CDH13: variants seen among roughly 807,000 people sequenced by gnomAD.
CDH13 encodes the protein cadherin 13, also known as cadherin-13.
In CDH13, 24 loss-of-function variants were observed where a neutral mutation model predicts 63.8. That is an observed-to-expected ratio of 0.38 (90% CI 0.27 to 0.53). CDH13 has a LOEUF of 0.53. CDH13 is among the 20% of genes least tolerant of loss of function. The pLI is 0.85. For synonymous variants in CDH13, 503 were observed against 355.3 expected, an observed-to-expected ratio of 1.42 and a Z score of -4.67; for missense variants, 1,049 against 903.1, an observed-to-expected ratio of 1.16 and a Z score of -2.07.
chr16:83,166,339 G>A (rs542998593), intron 4 of CDH13, among the ~76,000 whole-genome samples: 1 of 152,228 alleles, frequency 6.6e-6, no homozygotes, highest in Admixed American at 6.5e-5. Flanking sequence ...AGGGGCTTAA[G>A]CAGAAATGGG....
At chr16:83,027,491 T>A (rs1461240207) in intron 2 of CDH13, among the ~76,000 whole-genome samples, 1 of 151,600 alleles carries the variant, frequency 6.6e-6, no homozygotes, top group African/African-American at 2.4e-5. Context: ...GACAGTAGAG[T>A]AGGGAGATGC....
chr16:83,610,772 A>G (rs866013359), intron 8 of CDH13, among the ~76,000 whole-genome samples: 8 of 152,320 alleles, frequency 5.3e-5, no homozygotes, highest in Middle Eastern at 3.4e-3. Flanking sequence ...TAGTGGAATA[A>G]GTATTCTTGA....
At chr16:83,031,369 TA>T (rs1916319370) in intron 2 of CDH13, among the ~76,000 whole-genome samples, 1 of 71,634 alleles carries the variant, frequency 1.4e-5, no homozygotes, top group Non-Finnish European at 2.7e-5. Context: ...CATGTACATG[TA>T]TATGTATACA....
chr16:83,585,410 G>C (rs1944773479), intron 7 of CDH13, among the ~76,000 whole-genome samples: 1 of 152,136 alleles, frequency 6.6e-6, no homozygotes, highest in African/African-American at 2.4e-5. Context: ...AGTGGGTGTG[G>C]GAGAGGAGGC....
chr16:83,170,847 T>C (rs191785402), intron 4 of CDH13, among the ~76,000 whole-genome samples: 113 of 152,166 alleles, frequency 7.4e-4, no homozygotes, highest in African/African-American at 2.4e-3. Flanking sequence ...TGAGTGACCC[T>C]TCTAACTAGT....
chr16:83,334,404 C>G (rs1030570393), intron 5 of CDH13, among the ~76,000 whole-genome samples: 9 of 149,904 alleles, frequency 6.0e-5, no homozygotes, highest in African/African-American at 2.2e-4. Flanking sequence ...CAGAATCTCC[C>G]TCTGTCACCT....
At chr16:82,638,599 C>G (rs1165843268) in intron 1 of CDH13, among the ~76,000 whole-genome samples, 2 of 152,070 alleles carry the variant, frequency 1.3e-5, no homozygotes, top group Non-Finnish European at 2.9e-5. Flanking sequence ...CAGGATGTGA[C>G]TCACTTAAGG....
intron 7 of CDH13, among the ~76,000 whole-genome samples, chr16:83,530,554 C>T (rs1312448064): frequency 6.6e-6 from 1 of 152,206 alleles, no homozygotes; most frequent in Non-Finnish European, 1.5e-5. Context: ...TTAATGGTCT[C>T]TGTGAGTCTA....
At chr16:83,253,542 G>A (rs888932265) in intron 5 of CDH13, among the ~76,000 whole-genome samples, 1 of 152,208 alleles carries the variant, frequency 6.6e-6, no homozygotes, top group Non-Finnish European at 1.5e-5. Context: ...AAAGCTGGCT[G>A]AGCTGAGGGA....
In CDH13 at chr16:82,701,520, C is replaced by T. The variant is rs564266734; in HGVS notation, c.45+74383C>T. ...TTTAGTAGATTGCACAACTGGCAAA[C>T]CTGGAGTTGATTTAGCTTTCATGAA... On this transcript the variant is annotated intron_variant, in intron 1 of 13. Transcript: ENST00000567109. 2.6e-5 allele frequency among the ~76,000 whole-genome samples: 4 copies of T among 152,228 alleles called. No individual in the cohort carries two copies. In the East Asian group the frequency reaches 7.7e-4, roughly 29 times the overall value.
At chr16:82,894,293 GAA>G (rs2041175597) in intron 2 of CDH13, among the ~76,000 whole-genome samples, 1 of 152,190 alleles carries the variant, frequency 6.6e-6, no homozygotes, top group Admixed American at 6.5e-5. Flanking sequence ...CATGTTGGAA[GAA>G]AACAGAGTTC....
At chr16:83,325,937 TC>T (rs1488375086) in intron 5 of CDH13, among the ~76,000 whole-genome samples, 1 of 152,076 alleles carries the variant, frequency 6.6e-6, no homozygotes, top group African/African-American at 2.4e-5. Flanking sequence ...TCATCCAGCA[TC>T]AAATATGTGA....
At chr16:83,189,961 C>G (rs1000163019) in intron 4 of CDH13, among the ~76,000 whole-genome samples, 10 of 152,218 alleles carry the variant, frequency 6.6e-5, no homozygotes, top group Admixed American at 5.9e-4. Flanking sequence ...CTTGCCTGCC[C>G]CCATGTAAGA....
At chr16:83,711,736 C>G (rs1321417217) in intron 10 of CDH13, among the ~76,000 whole-genome samples, 1 of 152,106 alleles carries the variant, frequency 6.6e-6, no homozygotes, top group Non-Finnish European at 1.5e-5. Flanking sequence ...AGGCTGGTCT[C>G]GAACTCCTGA....
intron 7 of CDH13, among the ~76,000 whole-genome samples, chr16:83,550,321 C>T (rs1345343944): frequency 1.3e-5 from 2 of 152,224 alleles, no homozygotes; most frequent in Non-Finnish European, 2.9e-5. Flanking sequence ...CCAGGGGGCG[C>T]TGACAGAAGT....
intron 5 of CDH13, among the ~76,000 whole-genome samples, chr16:83,235,495 C>G (rs528727853): frequency 5.9e-5 from 9 of 152,244 alleles, no homozygotes; most frequent in East Asian, 1.9e-4. Context: ...GGGCCCCACT[C>G]CTACCCCGAC....
chr16:83,607,567 C>T (rs927434651), intron 8 of CDH13, among the ~76,000 whole-genome samples: 7 of 152,204 alleles, frequency 4.6e-5, no homozygotes, highest in African/African-American at 1.2e-4. Context: ...ATTTGCTGAA[C>T]GCTTCCTGAA....
intron 7 of CDH13, among the ~76,000 whole-genome samples, chr16:83,590,549 G>A (rs1307770205): frequency 6.6e-6 from 1 of 152,146 alleles, no homozygotes; most frequent in African/African-American, 2.4e-5. Flanking sequence ...TTGAAAGCAG[G>A]CGAGATGCTG....
chr16:83,580,780 C>G (rs1401939907), intron 7 of CDH13, among the ~76,000 whole-genome samples: 1 of 152,128 alleles, frequency 6.6e-6, no homozygotes, highest in Admixed American at 6.6e-5. Context: ...GCCTGCACCA[C>G]CACACCCAGC....
Sources: allele counts gnomAD v4.1 joint callset (sites outside exome capture counted in the v4.1 genomes callset), GRCh38; gene constraint gnomAD v4.1.1; transcripts MANE v1.5; gene names NCBI Gene and HGNC (gene_info 2026-07-23, HGNC 2026-07-21).